MORF4L1: variants seen among roughly 807,000 people sequenced by gnomAD.
The protein encoded by MORF4L1 is mortality factor 4 like 1, also known as mortality factor 4-like protein 1.
In MORF4L1, 4 loss-of-function variants were observed where a neutral mutation model predicts 52.9. The observed-to-expected ratio is 0.08, with a 90% CI of 0.04 to 0.17. The LOEUF (loss-of-function observed/expected upper bound fraction) is 0.17, where lower values mean the gene tolerates loss of function less well. Ranked by LOEUF, MORF4L1 falls within the 10% of genes least tolerant of loss-of-function variation. The probability of loss-of-function intolerance (pLI) is 1.00; values close to 1 mark genes in which losing one functional copy is unlikely to be tolerated. For missense variants in MORF4L1, 214 were observed against 390.4 expected (o/e 0.55, Z 3.81); for synonymous variants, 123 against 134.8 (o/e 0.91, Z 0.61).
intron 3 of MORF4L1, among the ~76,000 whole-genome samples, chr15:78,885,822 A>C (rs1279921959): frequency 6.6e-6 from 1 of 152,226 alleles, no homozygotes; most frequent in African/African-American, 2.4e-5. Flanking sequence ...TGACAATAAA[A>C]GTCTTTAAGA....
At chr15:78,877,098 C>A (rs992932859) in intron 1 of MORF4L1, among the ~76,000 whole-genome samples, 1 of 144,970 alleles carries the variant, frequency 6.9e-6, no homozygotes, top group Non-Finnish European at 1.5e-5. Context: ...AGGTGCACAT[C>A]ACCACGCCCG....
chr15:78,892,096 T>A, intron 7 of MORF4L1, 116 bp from the exon 8 acceptor site: 6 of 611,448 alleles, frequency 9.8e-6, no homozygotes, highest in Non-Finnish European at 1.2e-5. Context: ...ACAGTACAGC[T>A]GTATGCTTGG....
At chr15:78,880,838 T>C (rs1048329746) in intron 3 of MORF4L1, among the ~76,000 whole-genome samples, 8 of 151,622 alleles carry the variant, frequency 5.3e-5, no homozygotes, top group African/African-American at 1.5e-4. Flanking sequence ...CAATCAATTA[T>C]TCTGGTTGAA....
chr15:78,878,388 A>G, intron 2 of MORF4L1, 129 bp downstream of exon 2: 1 of 639,244 alleles, frequency 1.6e-6, no homozygotes, highest in Non-Finnish European at 2.5e-6. Flanking sequence ...CGTAGTTAAT[A>G]AATTTCTTCA....
intron 4 of MORF4L1, among the ~76,000 whole-genome samples, chr15:78,886,954 CAAA>C (rs61343587): frequency 3.4e-4 from 40 of 119,008 alleles, no homozygotes; most frequent in Admixed American, 6.6e-4. Flanking sequence ...AACTCTGTCT[CAAA>C]AAAAAAAAAA....
chr15:78,890,901 C>T, intron 5 of MORF4L1, 88 bp from the exon 6 acceptor site: 4 of 1,216,974 alleles, frequency 3.3e-6, no homozygotes, highest in Middle Eastern at 6.2e-4. Context: ...GTTAGTATTT[C>T]TCTGTGAACT....
intron 3 of MORF4L1, among the ~76,000 whole-genome samples, chr15:78,883,738 T>C (rs1444768971): frequency 6.6e-6 from 1 of 152,204 alleles, no homozygotes; most frequent in Non-Finnish European, 1.5e-5. Flanking sequence ...GATAAATATA[T>C]GCAATGTTGA....
In MORF4L1 at chr15:78,885,003, G is replaced by T. The variant is rs775903813; in HGVS notation, c.156-1138G>T. ...GGCCCAGGCGCTCTGAAAAATCTTT[G>T]AAGACACATGAGGATATTGTAGCCC... On this transcript the variant is annotated intron_variant, in intron 3 of 11. Transcript: ENST00000426013. 62 of 1,613,926 alleles carry T rather than the reference G, an allele frequency of 3.8e-5. No homozygotes were observed. The highest frequency in any genetic ancestry group is 4.7e-5 in the Non-Finnish European group (56 of 1,180,000).
chr15:78,893,842 A>G (rs746492213), intron 9 of MORF4L1, among the ~76,000 whole-genome samples: 3 of 151,828 alleles, frequency 2.0e-5, no homozygotes, highest in Non-Finnish European at 4.4e-5. Context: ...TCATGTAGGT[A>G]TTTGCATAAC....
intron 5 of MORF4L1, 147 bp from the exon 6 acceptor site, chr15:78,890,841 AT>A: frequency 4.3e-6 from 3 of 691,672 alleles, no homozygotes; most frequent in Non-Finnish European, 6.1e-6. Flanking sequence ...ATCAATAAAA[AT>A]CCTTGTGTCT....
intron 2 of MORF4L1, among the ~76,000 whole-genome samples, chr15:78,879,872 T>A (rs908123763): frequency 1.3e-5 from 2 of 152,224 alleles, no homozygotes; most frequent in African/African-American, 4.8e-5. Context: ...ACTGGCTGAT[T>A]TTTCTCCTGG....
At position 78,884,660 on chromosome 15, in the gene MORF4L1, TACACACACACACACAC is replaced by T. The variant is rs67970418; in HGVS notation, c.156-1469_156-1454del. 1.2e-4 allele frequency among the ~76,000 whole-genome samples: 16 copies of T among 130,712 alleles called. No individual in the cohort carries two copies. The East Asian group carries it at 1.8e-3, about 15-fold the overall frequency. The allele number at this position is 130,712 out of a possible 152,430, so 85.8% of individuals were successfully genotyped here. On this transcript the variant is annotated intron_variant, in intron 3 of 11. Coordinates refer to ENST00000426013, the MANE Select transcript of MORF4L1 (RefSeq NM_006791.4). ...GTCTCAAAAAAAAAAAAAAAAAAAA[TACACACACACACACAC>T]ACACACACACAAATATCTCAAAAAT...
intron 11 of MORF4L1, 86 bp from the exon 12 acceptor site, chr15:78,896,897 G>A (rs2056899825): frequency 1.6e-5 from 16 of 994,152 alleles, no homozygotes; most frequent in Non-Finnish European, 2.5e-5. Flanking sequence ...AGTGTTTTCT[G>A]TGGCTTATGT....
rs765694816 is a variant in MORF4L1 at position 78,893,552 on chromosome 15, C to T, written c.554C>T (p.Pro185Leu). 1 of 1,603,968 alleles carries T rather than the reference C, an allele frequency of 6.2e-7. No homozygotes were observed. Among genetic ancestry groups the T allele is most frequent in the Non-Finnish European group, 8.5e-7 (1 of 1,172,386 alleles). Residue 185 changes from proline to leucine, a missense_variant, in exon 9 of 12, where the codon CCT becomes CTT. Physicochemically the swap from Pro to Leu is moderately conservative, Grantham distance 98. Transcript: ENST00000426013. The stretch of plus-strand genomic sequence containing the variant: ...TTGTCTTCATAGCTCTTTTATCTTC[C>T]TGCCAAGAAGAATGTGGATTCCATT... ...ITRQKQLFYL[P>L]AKKNVDSILE... is the part of the protein sequence containing the mutation.
In MORF4L1 at chr15:78,886,281, T is replaced by C. The variant is rs549967752; in HGVS notation, c.242+54T>C. On this transcript the variant is annotated intron_variant, in intron 4 of 11. Transcript: ENST00000426013. ...AGGAGAAATGCCTGTAGATTAATTC[T>C]GGACATGGAATGAACAATGGAGATC... The C allele has an allele frequency of 5.2e-5, 75 of 1,438,568 alleles. 1 individual carries two copies. In the South Asian group the frequency reaches 8.5e-4, roughly 16 times the overall value. The allele number at this position is 1,438,568 out of a possible 1,614,324, so 89.1% of individuals were successfully genotyped here.
chr15:78,896,935 C>T, intron 11 of MORF4L1, 48 bp from the exon 12 acceptor site: 4 of 1,429,580 alleles, frequency 2.8e-6, no homozygotes, highest in Admixed American at 1.8e-5. Context: ...AGATTTGGAT[C>T]AAGATAATGA....
At chr15:78,878,865 C>T (rs540031512) in intron 2 of MORF4L1, among the ~76,000 whole-genome samples, 2 of 152,094 alleles carry the variant, frequency 1.3e-5, no homozygotes, top group South Asian at 2.1e-4. Context: ...CTTGACTATA[C>T]CTTAAACAGT....
At chr15:78,883,217 A>G (rs1360056958) in intron 3 of MORF4L1, among the ~76,000 whole-genome samples, 3 of 152,006 alleles carry the variant, frequency 2.0e-5, no homozygotes, top group Non-Finnish European at 4.4e-5. Context: ...TCAGGAAAAA[A>G]AAAAAAAAAG....
Position 78,886,072 on chromosome 15 carries a change from C to G in MORF4L1, c.156-69C>G, listed in dbSNP as rs147531446. Reference sequence around the variant, plus strand: ...ACTTAAGAGAAATCCAGTCTTGCCTCTTGATCTCAGAAAATTAGTTGGAGA... The same window carrying G: ...ACTTAAGAGAAATCCAGTCTTGCCTGTTGATCTCAGAAAATTAGTTGGAGA... On this transcript the variant is annotated intron_variant, in intron 3 of 11. Coordinates refer to ENST00000426013, the MANE Select transcript of MORF4L1 (RefSeq NM_006791.4). 4.2e-6 allele frequency: 5 copies of G among 1,193,038 alleles called. No homozygotes were observed. In the East Asian group the frequency reaches 1.2e-4, roughly 28 times the overall value. 73.9% of individuals were successfully genotyped at this position (1,193,038 alleles called of 1,614,324 possible).
Sources: allele counts gnomAD v4.1 joint callset (sites outside exome capture counted in the v4.1 genomes callset), GRCh38; gene constraint gnomAD v4.1.1; transcripts MANE v1.5; gene names NCBI Gene and HGNC (gene_info 2026-07-23, HGNC 2026-07-21).